The following CHODL variants were observed in gnomAD, a reference collection of about 807,000 sequenced individuals.
The protein encoded by CHODL is chondrolectin, also known as transmembrane protein MT75.
CHODL carries 29 observed loss-of-function variants against 34.5 expected under a neutral mutation model. The observed-to-expected ratio is 0.84, with a 90% confidence interval of 0.63 to 1.15. The LOEUF is 1.15. Ranked by LOEUF, CHODL falls within the 50% of genes most tolerant of loss-of-function variation. The pLI is 0.00. For synonymous variants in CHODL, 125 were observed against 116.1 expected (o/e 1.08, Z -0.49); for missense variants, 332 against 332.5 (o/e 1.00, Z 0.01).
At chr21:17,980,170 G>A (rs149574447) in intron 1 of CHODL, among the ~76,000 whole-genome samples, 34 of 150,598 alleles carry the variant, frequency 2.3e-4, no homozygotes, top group African/African-American at 8.3e-4. Context: ...GAAAAAATGT[G>A]GAAGACAGCT....
chr21:17,931,599 A>G (rs2063274088), intron 1 of CHODL, among the ~76,000 whole-genome samples: 2 of 152,346 alleles, frequency 1.3e-5, no homozygotes, highest in South Asian at 4.1e-4. Context: ...AATATGGATT[A>G]TAAGGAAGCT....
intron 1 of CHODL, among the ~76,000 whole-genome samples, chr21:17,976,500 A>G (rs1258218597): frequency 6.6e-6 from 1 of 152,118 alleles, no homozygotes; most frequent in East Asian, 1.9e-4. Context: ...TGTGACAATG[A>G]GAAGTTGGCT....
At chr21:18,071,467 C>T (rs977036160) in intron 2 of CHODL, among the ~76,000 whole-genome samples, 1 of 151,978 alleles carries the variant, frequency 6.6e-6, no homozygotes, top group Non-Finnish European at 1.5e-5. Flanking sequence ...TTCAGTTGGT[C>T]TCCCTGTTTC....
chr21:18,199,372 A>G (rs1236046445), intron 2 of CHODL, among the ~76,000 whole-genome samples: 8 of 152,090 alleles, frequency 5.3e-5, no homozygotes, highest in African/African-American at 2.4e-5. Context: ...TAGCACAGAG[A>G]GAGTTTCCTT....
intron 2 of CHODL, among the ~76,000 whole-genome samples, chr21:18,237,263 A>ACTAT (rs765743588): frequency 6.6e-6 from 1 of 152,088 alleles, no homozygotes; most frequent in Non-Finnish European, 1.5e-5. Context: ...CAAAATTTAG[A>ACTAT]CTATCTATCT....
intron 1 of CHODL, among the ~76,000 whole-genome samples, chr21:17,950,718 A>G (rs144026064): frequency 6.6e-6 from 1 of 152,334 alleles, no homozygotes; most frequent in African/African-American, 2.4e-5. Flanking sequence ...GAGAGAAACC[A>G]ATCAGCTTTT....
intron 1 of CHODL, among the ~76,000 whole-genome samples, chr21:17,995,069 A>C (rs984592907): frequency 6.6e-6 from 1 of 152,126 alleles, no homozygotes; most frequent in Non-Finnish European, 1.5e-5. Context: ...CCCTTGATCC[A>C]GACAGCGTCA....
At chr21:18,095,129 A>G (rs1303881696) in intron 2 of CHODL, among the ~76,000 whole-genome samples, 1 of 152,012 alleles carries the variant, frequency 6.6e-6, no homozygotes, top group Non-Finnish European at 1.5e-5. Flanking sequence ...GTCTCAAAAA[A>G]AAAAAAGAAG....
chr21:18,180,933 G>T (rs2073374385), intron 2 of CHODL, among the ~76,000 whole-genome samples: 1 of 152,114 alleles, frequency 6.6e-6, no homozygotes, highest in African/African-American at 2.4e-5. Context: ...ATTGTTAGGA[G>T]TATTAAATTA....
chr21:17,973,747 C>T (rs1045614903), intron 1 of CHODL, among the ~76,000 whole-genome samples: 13 of 149,972 alleles, frequency 8.7e-5, no homozygotes, highest in Admixed American at 3.4e-4. Flanking sequence ...GGATTCTGTT[C>T]TAAGAAATCC....
chr21:18,077,044 C>T (rs1568873405), intron 2 of CHODL, among the ~76,000 whole-genome samples: 1 of 152,134 alleles, frequency 6.6e-6, no homozygotes. Flanking sequence ...CCCAGTGGGG[C>T]CAGAATGTGA....
chr21:18,046,242 A>G lies in CHODL; in HGVS notation c.-45+18271A>G, dbSNP rs17002292. Among the ~76,000 whole-genome samples the G allele has an allele frequency of 2.9e-3, 439 of 152,090 alleles. 2 individuals are homozygous for G. Among genetic ancestry groups the G allele is most frequent in the African/African-American group, 0.01 (421 of 41,546 alleles). On this transcript the variant is annotated intron_variant, in intron 2 of 6. Transcript: ENST00000400127. ...AGAGCTGGGATTTTTATTATGAGTC[A>G]TGGGAAGCGGTTAATGGATATTAAG... is the stretch of plus-strand genomic sequence containing the variant.
At chr21:18,189,383 G>T (rs937947912) in intron 2 of CHODL, among the ~76,000 whole-genome samples, 2 of 152,106 alleles carry the variant, frequency 1.3e-5, no homozygotes, top group Non-Finnish European at 2.9e-5. Flanking sequence ...TATGTTGTTT[G>T]TGCTCAAATT....
chr21:18,185,760 T>G (rs1442991758), intron 2 of CHODL, among the ~76,000 whole-genome samples: 1 of 152,164 alleles, frequency 6.6e-6, no homozygotes, highest in Admixed American at 6.5e-5. Flanking sequence ...AAGTCCAAGA[T>G]CAAGGCACCA....
intron 2 of CHODL, among the ~76,000 whole-genome samples, chr21:18,119,026 A>T (rs747793827): frequency 1.3e-5 from 2 of 151,972 alleles, no homozygotes; most frequent in Non-Finnish European, 2.9e-5. Flanking sequence ...CTTTTATATG[A>T]TATATCCTTT....
intron 2 of CHODL, among the ~76,000 whole-genome samples, chr21:18,151,102 A>AG (rs1021638136): frequency 3.4e-5 from 5 of 149,226 alleles, no homozygotes; most frequent in East Asian, 3.9e-4. Flanking sequence ...AAAAAAAAAA[A>AG]AAAGAAAGAA....
intron 1 of CHODL, among the ~76,000 whole-genome samples, chr21:17,978,161 C>T (rs910825816): frequency 6.6e-6 from 1 of 151,968 alleles, no homozygotes; most frequent in Non-Finnish European, 1.5e-5. Flanking sequence ...TGGTGGCTCA[C>T]GCCTGTGATC....
chr21:17,923,747 C>T (rs2063202029), intron 1 of CHODL, among the ~76,000 whole-genome samples: 1 of 152,158 alleles, frequency 6.6e-6, no homozygotes, highest in Non-Finnish European at 1.5e-5. Flanking sequence ...AGGCCTGAGC[C>T]ACTGTGCCTG....
intron 2 of CHODL, among the ~76,000 whole-genome samples, chr21:18,034,844 A>G (rs1489491518): frequency 1.3e-5 from 2 of 152,054 alleles, no homozygotes; most frequent in Middle Eastern, 3.2e-3. Context: ...GACTTTAGGT[A>G]TATTCTCTTT....
Sources: gnomAD v4.1 joint callset for allele counts (sites outside exome capture counted in the v4.1 genomes callset) on GRCh38, gnomAD v4.1.1 for gene constraint, MANE v1.5 for transcripts, NCBI Gene and HGNC (gene_info 2026-07-23, HGNC 2026-07-21) for gene names.